The following NCKAP1 variants were observed in gnomAD, a reference collection of about 807,000 sequenced individuals.
NCKAP1 encodes the protein nck-associated protein 1.
In NCKAP1, 21 loss-of-function variants were observed where a neutral mutation model predicts 151.2. That is an observed-to-expected ratio of 0.14 (90% CI 0.10 to 0.20). NCKAP1 has a LOEUF of 0.20. Ranked by LOEUF, NCKAP1 falls within the 10% of genes least tolerant of loss-of-function variation. The probability of loss-of-function intolerance (pLI) is 1.00; values close to 1 mark genes in which losing one functional copy is unlikely to be tolerated. For synonymous variants in NCKAP1, 484 were observed against 451.8 expected (o/e 1.07, Z -0.90); for missense variants, 933 against 1,352.1 (o/e 0.69, Z 4.86).
chr2:183,038,254 G>A lies in NCKAP1; in HGVS notation c.-155C>T, dbSNP rs947851704. 4.2e-5 allele frequency: 19 copies of A among 457,200 alleles called. No individual in the cohort carries two copies. The Admixed American group carries it at 5.0e-4, about 12-fold the overall frequency. The allele number at this position is 457,200 out of a possible 1,614,324, so 28.3% of individuals were successfully genotyped here. A position where few individuals can be genotyped will look rare whatever the true frequency, so the allele number is the denominator to read the frequency against. ...GGCCCTCGCGCCCCAATCCCGCGCCGGCGACAGAGCGAGCCGCGGCGGACT... is the reference window on the plus strand; with the variant it reads ...GGCCCTCGCGCCCCAATCCCGCGCCAGCGACAGAGCGAGCCGCGGCGGACT... On this transcript the variant is annotated 5_prime_UTR_variant, in exon 1 of 31. Coordinates refer to ENST00000361354, the MANE Select transcript of NCKAP1 (RefSeq NM_013436.5).
intron 2 of NCKAP1, among the ~76,000 whole-genome samples, chr2:183,006,723 GT>G (rs1698478775): frequency 2.6e-5 from 4 of 152,040 alleles, no homozygotes; most frequent in Admixed American, 6.6e-5. Context: ...CTAGAACCAA[GT>G]TTTCTTAATT....
intron 2 of NCKAP1, among the ~76,000 whole-genome samples, chr2:183,008,560 C>A (rs935466386): frequency 6.6e-6 from 1 of 152,066 alleles, no homozygotes; most frequent in Admixed American, 6.6e-5. Flanking sequence ...TTGCATTCAC[C>A]AAGTATGTTC....
Position 182,953,267 on chromosome 2 carries a change from G to C in NCKAP1, c.2218C>G (p.Leu740Val). 6.2e-7 allele frequency: 1 copy of C among 1,613,716 alleles called. No individual in the cohort carries two copies. The highest frequency in any genetic ancestry group is 8.5e-7 in the Non-Finnish European group (1 of 1,179,770). The change falls in exon 21 of 31, where the codon CTA (leucine) becomes GTA (valine). Residue 740 changes from leucine (L) to valine (V), a missense_variant. Leu to Val is a conservative substitution (Grantham distance 32, BLOSUM62 1). Coordinates refer to ENST00000361354, the MANE Select transcript of NCKAP1 (RefSeq NM_013436.5). ...GTCATGTATGCTCTTACACTTGTTAGAAGTTCTGAAGGTTTTGCAATTTCC... is the reference window on the plus strand; with the variant it reads ...GTCATGTATGCTCTTACACTTGTTACAAGTTCTGAAGGTTTTGCAATTTCC... ...TQEIAKPSEL[L>V]TSVRAYMTVL...
chr2:182,928,436 T>C (rs1559069187), intron 28 of NCKAP1, among the ~76,000 whole-genome samples: 2 of 152,106 alleles, frequency 1.3e-5, no homozygotes, highest in Non-Finnish European at 1.5e-5. Flanking sequence ...CGTGTATATG[T>C]TAAACAGGCA....
intron 27 of NCKAP1, 91 bp downstream of exon 27, chr2:182,930,604 C>T: frequency 2.1e-6 from 2 of 942,110 alleles, no homozygotes. Flanking sequence ...ACAAAGCAGG[C>T]ATTTGAATAT....
At chr2:183,006,416 C>A (rs916634523) in intron 2 of NCKAP1, among the ~76,000 whole-genome samples, 1 of 152,120 alleles carries the variant, frequency 6.6e-6, no homozygotes, top group Admixed American at 6.5e-5. Context: ...CTTTAATATT[C>A]CCCATTATTA....
chr2:182,997,594 T>C (rs544336444), intron 6 of NCKAP1, among the ~76,000 whole-genome samples: 35 of 152,336 alleles, frequency 2.3e-4, no homozygotes, highest in African/African-American at 8.2e-4. Flanking sequence ...TCCAGTATGG[T>C]CTGAGAAGAT....
Position 183,002,137 on chromosome 2 carries a change from G to T in NCKAP1, c.502C>A (p.His168Asn). 1 of 1,612,904 alleles carries T rather than the reference G, an allele frequency of 6.2e-7. No homozygotes were observed. Among genetic ancestry groups the T allele is most frequent in the African/African-American group, 1.3e-5 (1 of 74,986 alleles). The change falls in exon 5 of 31, where the codon CAT (histidine) becomes AAT (asparagine). Residue 168 changes from histidine (H) to asparagine (N), a missense_variant. Physicochemically the swap from His to Asn is moderately conservative, Grantham distance 68 (BLOSUM62 1). Transcript: ENST00000361354. The part of the protein sequence containing the change: ...GLYNYAHEMT[H>N]GASDREYPRL... ...ATAATGCAAATCTACCTTGCTCCAT[G>T]AGTCATTTCATGGGCATAGTTGTAT...
In NCKAP1 at chr2:182,952,420, T is replaced by C. The variant is rs548116562; in HGVS notation, c.2586A>G (p.Gln862=). ...SESLMWHISS[Q]VAELKKLVVE... is the part of the protein sequence containing the mutation. ...ACTATATTACCTTAAGTTCAGCAAC[T>C]TGTGATGAAATATGCCACATAAGGC... is the stretch of plus-strand genomic sequence containing the variant. Residue 862 remains glutamine, a synonymous_variant, in exon 23 of 31, where the codon CAA becomes CAG. Coordinates refer to ENST00000361354, the MANE Select transcript of NCKAP1 (RefSeq NM_013436.5). 4 of 1,605,264 alleles carry C rather than the reference T, an allele frequency of 2.5e-6. No individual in the cohort carries two copies. The South Asian group carries it at 4.5e-5, about 18-fold the overall frequency.
rs142974799 is a variant in NCKAP1, at chr2:182,958,781, G to A, written c.1882-1185C>T. 2.1e-4 allele frequency among the ~76,000 whole-genome samples: 32 copies of A among 152,194 alleles called. No individual in the cohort carries two copies. The Middle Eastern group carries it at 0.014, about 65-fold the overall frequency. ...ATTTCACTTGACAGGTAACAAAGCA[G>A]GCAAATGAGAAATAAGAAATAACAT... On this transcript the variant is annotated intron_variant, in intron 18 of 30. Coordinates refer to ENST00000361354, the MANE Select transcript of NCKAP1 (RefSeq NM_013436.5).
At chr2:183,014,984 G>A (rs1340110863) in intron 2 of NCKAP1, among the ~76,000 whole-genome samples, 2 of 152,120 alleles carry the variant, frequency 1.3e-5, no homozygotes, top group Admixed American at 1.3e-4. Context: ...CATAACTTCA[G>A]GAAATTTGAA....
intron 2 of NCKAP1, among the ~76,000 whole-genome samples, chr2:183,022,061 G>T (rs1210492646): frequency 1.3e-5 from 2 of 152,134 alleles, no homozygotes; most frequent in African/African-American, 2.4e-5. Flanking sequence ...TAAACAGTTT[G>T]CCCGGCATAT....
chr2:182,998,033 T>C (rs1698303192), intron 6 of NCKAP1, among the ~76,000 whole-genome samples: 1 of 152,016 alleles, frequency 6.6e-6, no homozygotes, highest in Admixed American at 6.6e-5. Flanking sequence ...CATAAGCAAA[T>C]CAATAAATGT....
At chr2:182,960,585 G>C (rs1697426574) in intron 18 of NCKAP1, among the ~76,000 whole-genome samples, 1 of 152,150 alleles carries the variant, frequency 6.6e-6, no homozygotes, top group Non-Finnish European at 1.5e-5. Context: ...GTTAATTCAA[G>C]ATGGATTAAA....
chr2:182,954,491 C>T (rs935655267), intron 20 of NCKAP1, among the ~76,000 whole-genome samples: 1 of 152,138 alleles, frequency 6.6e-6, no homozygotes, highest in Admixed American at 6.6e-5. Context: ...GAAGAGCCAA[C>T]GCAAGATGAA....
At chr2:182,984,664 G>C (rs1698014484) in intron 10 of NCKAP1, among the ~76,000 whole-genome samples, 1 of 151,422 alleles carries the variant, frequency 6.6e-6, no homozygotes, top group African/African-American at 2.4e-5. Flanking sequence ...CTGATATATA[G>C]TGCTTCTGTT....
Position 182,911,072 on chromosome 2 carries a change from C to T in NCKAP1, c.*14630G>A, listed in dbSNP as rs1447565660. ...TGGGCACATCTCATTATACCCCCTC[C>T]TCACTAACTACCATTAGGTGTTCTT... is the stretch of plus-strand genomic sequence containing the variant. On this transcript the variant is annotated 3_prime_UTR_variant, in exon 31 of 31. Coordinates refer to ENST00000361354, the MANE Select transcript of NCKAP1 (RefSeq NM_013436.5). The T allele has an allele frequency of 6.6e-6, 1 of 151,982 alleles. No homozygotes were observed. The highest frequency in any genetic ancestry group is 1.5e-5 in the Non-Finnish European group (1 of 67,996). The allele number at this position is 151,982 out of a possible 1,614,324, so 9.4% of individuals were successfully genotyped here.
At chr2:182,951,549 G>A (rs1475477433) in intron 23 of NCKAP1, among the ~76,000 whole-genome samples, 1 of 146,232 alleles carries the variant, frequency 6.8e-6, no homozygotes, top group Non-Finnish European at 1.5e-5. Flanking sequence ...CGTGCCTGTA[G>A]TCCCAGCTAC....
chr2:182,929,908 T>C (rs1696726377), intron 27 of NCKAP1, among the ~76,000 whole-genome samples: 2 of 152,072 alleles, frequency 1.3e-5, no homozygotes, highest in Non-Finnish European at 2.9e-5. Flanking sequence ...GAGTACTGCA[T>C]TTCTAAGGGC....
Sources: allele counts gnomAD v4.1 joint callset (sites outside exome capture counted in the v4.1 genomes callset), GRCh38; gene constraint gnomAD v4.1.1; transcripts MANE v1.5; gene names NCBI Gene and HGNC (gene_info 2026-07-23, HGNC 2026-07-21).